CDH9: variants seen among roughly 807,000 people sequenced by gnomAD.
The protein encoded by CDH9 is cadherin-9.
Under a neutral mutation model 70.9 loss-of-function variants are expected in CDH9, and 28 were observed. The observed-to-expected ratio is 0.40, with a 90% CI of 0.29 to 0.54. The LOEUF is 0.54. Among genes scored for constraint, CDH9 ranks in the 20% least tolerant of loss-of-function variants. CDH9 has a pLI of 0.59. For synonymous variants in CDH9, 409 were observed against 343.1 expected, an observed-to-expected ratio of 1.19 and a Z score of -2.12; for missense variants, 874 against 984.4, an observed-to-expected ratio of 0.89 and a Z score of 1.50.
At chr5:27,005,246 GA>G (rs1465801161) in intron 1 of CDH9, among the ~76,000 whole-genome samples, 1 of 151,994 alleles carries the variant, frequency 6.6e-6, no homozygotes, top group African/African-American at 2.4e-5. Context: ...TCAAATTCTA[GA>G]AAGTTTCTTA....
chr5:26,961,361 T>C (rs562181318), intron 2 of CDH9, among the ~76,000 whole-genome samples: 230 of 152,284 alleles, frequency 1.5e-3, no homozygotes, highest in African/African-American at 3.9e-3. Flanking sequence ...AATTTATTCT[T>C]CCTAAATAAA....
chr5:27,033,052 A>G (rs1743335771), intron 1 of CDH9, among the ~76,000 whole-genome samples: 2 of 151,276 alleles, frequency 1.3e-5, no homozygotes, highest in African/African-American at 2.4e-5. Context: ...TGAACATTCA[A>G]TAAAGAATAA....
intron 1 of CDH9, among the ~76,000 whole-genome samples, chr5:27,004,505 A>C (rs945661259): frequency 1.3e-4 from 20 of 152,176 alleles, no homozygotes; most frequent in Non-Finnish European, 2.9e-4. Context: ...TAAAACATAG[A>C]CATTACAAGA....
rs111356616 is a variant in CDH9, at chr5:26,997,289, G to A, written c.-49-8907C>T. On this transcript the variant is annotated intron_variant, in intron 1 of 11. Transcript: ENST00000231021. ...AACATATATGTATGTGTGTGTGTGT[G>A]TGTATATATGTCCACTTTCAATTTA... 3.7e-3 allele frequency among the ~76,000 whole-genome samples: 565 copies of A among 152,092 alleles called. 2 individuals are homozygous for A. The highest frequency in any genetic ancestry group is 6.0e-3 in the Non-Finnish European group (407 of 67,976).
intron 7 of CDH9, among the ~76,000 whole-genome samples, chr5:26,898,177 C>T (rs1740786614): frequency 2.6e-5 from 4 of 151,936 alleles, no homozygotes; most frequent in South Asian, 4.2e-4. Flanking sequence ...TAAGGGAGGA[C>T]ACAAACAAAG....
At chr5:27,020,236 GTTGT>G (rs1461603189) in intron 1 of CDH9, among the ~76,000 whole-genome samples, 4 of 151,528 alleles carry the variant, frequency 2.6e-5, no homozygotes, top group Non-Finnish European at 4.4e-5. Context: ...ATTTAAAATG[GTTGT>G]TTGTTTCCAA....
intron 7 of CDH9, among the ~76,000 whole-genome samples, chr5:26,900,112 T>C (rs892405925): frequency 2.6e-5 from 4 of 151,764 alleles, no homozygotes; most frequent in Admixed American, 2.6e-4. Flanking sequence ...CCCTGAGAGA[T>C]AAAAAATTAA....
chr5:27,020,923 G>GT (rs1314863722), intron 1 of CDH9, among the ~76,000 whole-genome samples: 2 of 151,692 alleles, frequency 1.3e-5, no homozygotes, highest in Admixed American at 1.3e-4. Context: ...TTAGAATAAT[G>GT]TGTATTTAAA....
At chr5:26,914,903 C>T (rs1359985455) in intron 3 of CDH9, among the ~76,000 whole-genome samples, 1 of 151,894 alleles carries the variant, frequency 6.6e-6, no homozygotes, top group Non-Finnish European at 1.5e-5. Context: ...CTCATTGTCT[C>T]GTTAACAAAC....
At chr5:26,931,347 C>A (rs536978731) in intron 2 of CDH9, among the ~76,000 whole-genome samples, 1 of 152,028 alleles carries the variant, frequency 6.6e-6, no homozygotes, top group African/African-American at 2.4e-5. Flanking sequence ...ATCAAGATAT[C>A]TTTGTAAGAG....
intron 6 of CDH9, 145 bp from the exon 7 acceptor site, chr5:26,902,874 A>C: frequency 1.7e-6 from 1 of 576,342 alleles, no homozygotes; most frequent in Non-Finnish European, 3.1e-6. Context: ...TATATGAAAT[A>C]AATTTATAAA....
chr5:26,925,405 A>T (rs1161762948), intron 2 of CDH9, among the ~76,000 whole-genome samples: 5 of 151,732 alleles, frequency 3.3e-5, no homozygotes, highest in Non-Finnish European at 7.4e-5. Flanking sequence ...TGTTTGTTTT[A>T]TTCTTGTAAG....
chr5:26,984,165 A>G (rs1242482758), intron 2 of CDH9, among the ~76,000 whole-genome samples: 1 of 152,144 alleles, frequency 6.6e-6, no homozygotes, highest in Non-Finnish European at 1.5e-5. Context: ...TGGGATAACA[A>G]AAGTTTCTAA....
chr5:26,898,896 G>A (rs1470790410), intron 7 of CDH9, among the ~76,000 whole-genome samples: 2 of 152,078 alleles, frequency 1.3e-5, no homozygotes, highest in African/African-American at 4.8e-5. Context: ...ACTATAGAAT[G>A]GGAGAAAATT....
intron 1 of CDH9, among the ~76,000 whole-genome samples, chr5:27,035,394 G>T (rs1338085601): frequency 9.2e-5 from 14 of 151,484 alleles, no homozygotes; most frequent in Non-Finnish European, 7.4e-5. Context: ...AAACAAATAT[G>T]CAAGATACAG....
intron 2 of CDH9, among the ~76,000 whole-genome samples, chr5:26,929,064 A>T (rs1741395562): frequency 6.6e-6 from 1 of 152,060 alleles, no homozygotes; most frequent in Non-Finnish European, 1.5e-5. Context: ...CAACCTAAAG[A>T]ATGAGAAAAA....
At chr5:26,910,774 C>G (rs767872803) in intron 3 of CDH9, among the ~76,000 whole-genome samples, 8 of 152,110 alleles carry the variant, frequency 5.3e-5, no homozygotes, top group Non-Finnish European at 8.8e-5. Context: ...AAGTGAAAAA[C>G]GAGTTTAGTC....
chr5:26,988,214 C>A lies in CDH9; in HGVS notation c.120G>T (p.Leu40=). The A allele has an allele frequency of 6.2e-7, 1 of 1,613,500 alleles. No individual in the cohort carries two copies. Among genetic ancestry groups the A allele is most frequent in the Non-Finnish European group, 8.5e-7 (1 of 1,179,636 alleles). Residue 40 remains leucine, a synonymous_variant, in exon 2 of 12, where the codon CTG becomes CTT. Transcript: ENST00000231021. The stretch of plus-strand genomic sequence containing the variant: ...GTAGCATTTTACCGTCATCTTTTGT[C>A]AGACCCGCTATCTTTTTGCTTGATA... ...SYLSSKKIAG[L]TKDDGKMLRR...
At chr5:26,926,924 C>CCCG (rs1554037353) in intron 2 of CDH9, among the ~76,000 whole-genome samples, 3 of 147,668 alleles carry the variant, frequency 2.0e-5, no homozygotes, top group Non-Finnish European at 4.5e-5. Context: ...ACAGCCCCCC[C>CCCG]CCGCAAAAAA....
Sources: gnomAD v4.1 joint callset for allele counts (sites outside exome capture counted in the v4.1 genomes callset) on GRCh38, gnomAD v4.1.1 for gene constraint, MANE v1.5 for transcripts, NCBI Gene and HGNC (gene_info 2026-07-23, HGNC 2026-07-21) for gene names.